Variants in TOX3 observed in about 807,000 individuals in gnomAD.
TOX3 encodes TOX high mobility group box family member 3, also known as CAG trinucleotide repeat-containing gene F9 protein.
Under a neutral mutation model 64.3 loss-of-function variants are expected in TOX3, and 22 were observed. That is an observed-to-expected ratio of 0.34 (90% CI 0.24 to 0.49). The LOEUF is 0.49. Ranked by LOEUF, TOX3 falls within the 20% of genes least tolerant of loss-of-function variation. The probability of loss-of-function intolerance (pLI) is 0.99; values close to 1 mark genes in which losing one functional copy is unlikely to be tolerated. For synonymous variants in TOX3, 291 were observed against 273.6 expected (o/e 1.06, Z -0.63); for missense variants, 661 against 714.4 (o/e 0.93, Z 0.85).
chr16:52,468,950 T>C (rs1960949693), intron 1 of TOX3, among the ~76,000 whole-genome samples: 2 of 152,186 alleles, frequency 1.3e-5, no homozygotes, highest in African/African-American at 4.8e-5. Context: ...AAGGATTTTA[T>C]AGCTTAGTTT....
Position 52,535,857 on chromosome 16 carries a change from TA to T in TOX3, c.87+10779del, listed in dbSNP as rs536914330. Among the ~76,000 whole-genome samples the T allele has an allele frequency of 7.3e-3, 1,109 of 152,132 alleles. 6 individuals carry two copies. Among genetic ancestry groups the T allele is most frequent in the Non-Finnish European group, 8.8e-3 (599 of 67,982 alleles). On this transcript the variant is annotated intron_variant, in intron 1 of 6. Transcript: ENST00000219746. ...CTGCCACCAACACATCAAATACTGATAAAAAAAATTAAAAATAAAATGTAAA... is the reference window on the plus strand; with the variant it reads ...CTGCCACCAACACATCAAATACTGATAAAAAAATTAAAAATAAAATGTAAA...
chr16:52,441,304 T>C (rs985977570), intron 6 of TOX3, among the ~76,000 whole-genome samples: 1 of 152,218 alleles, frequency 6.6e-6, no homozygotes, highest in African/African-American at 2.4e-5. Context: ...AGATACCAAA[T>C]TGAAGTTTTC....
At chr16:52,492,135 CA>C (rs751910919) in intron 1 of TOX3, among the ~76,000 whole-genome samples, 1 of 151,378 alleles carries the variant, frequency 6.6e-6, no homozygotes, top group Non-Finnish European at 1.5e-5. Context: ...TGAATTCTAA[CA>C]TCATAATTAC....
Position 52,474,792 on chromosome 16 carries a change from C to T in TOX3, c.88-6218G>A, listed in dbSNP as rs557400891. Among the ~76,000 whole-genome samples, 10 of 152,198 alleles carry T rather than the reference C, an allele frequency of 6.6e-5. No homozygotes were observed. In the South Asian group the frequency reaches 1.3e-3, roughly 19 times the overall value. On this transcript the variant is annotated intron_variant, in intron 1 of 6. Coordinates refer to ENST00000219746, the MANE Select transcript of TOX3 (RefSeq NM_001080430.4). Reference sequence around the variant, plus strand: ...AGTAAATCTAACTCAGACCATGTCACTCTTCTGCTCAAAACTCTCCAATGG... The same window carrying T: ...AGTAAATCTAACTCAGACCATGTCATTCTTCTGCTCAAAACTCTCCAATGG...
intron 1 of TOX3, among the ~76,000 whole-genome samples, chr16:52,516,482 CAAT>C (rs1962460379): frequency 6.6e-6 from 1 of 152,026 alleles, no homozygotes; most frequent in Non-Finnish European, 1.5e-5. Flanking sequence ...TCTAAGTAGC[CAAT>C]AATTGGAGGC....
intron 1 of TOX3, among the ~76,000 whole-genome samples, chr16:52,509,510 A>G (rs1046546257): frequency 4.6e-5 from 7 of 152,224 alleles, no homozygotes; most frequent in Admixed American, 3.3e-4. Flanking sequence ...TGAAATTTTA[A>G]CATTCAGACC....
chr16:52,503,374 C>T (rs1009057113), intron 1 of TOX3, among the ~76,000 whole-genome samples: 2 of 152,140 alleles, frequency 1.3e-5, no homozygotes, highest in Admixed American at 1.3e-4. Flanking sequence ...ACTGCAAGGA[C>T]CACACAAGTG....
At chr16:52,545,772 TG>T (rs1963162315) in intron 1 of TOX3, among the ~76,000 whole-genome samples, 1 of 151,910 alleles carries the variant, frequency 6.6e-6, no homozygotes, top group Admixed American at 6.6e-5. Flanking sequence ...GGACACCGGA[TG>T]GTGGGGGGGA....
intron 1 of TOX3, among the ~76,000 whole-genome samples, chr16:52,470,730 G>A (rs1457259505): frequency 6.6e-6 from 1 of 152,184 alleles, no homozygotes; most frequent in African/African-American, 2.4e-5. Context: ...GAGCAGAGCA[G>A]GCCACGCAGC....
At chr16:52,472,969 T>A (rs889789104) in intron 1 of TOX3, among the ~76,000 whole-genome samples, 7 of 152,194 alleles carry the variant, frequency 4.6e-5, no homozygotes, top group Non-Finnish European at 1.0e-4. Context: ...TCATTGTACT[T>A]GGAGGTAGAT....
chr16:52,518,546 A>T (rs1962515828), intron 1 of TOX3, among the ~76,000 whole-genome samples: 1 of 152,240 alleles, frequency 6.6e-6, no homozygotes, highest in Non-Finnish European at 1.5e-5. Flanking sequence ...GTATTTAATA[A>T]AACGTCTTCT....
intron 1 of TOX3, among the ~76,000 whole-genome samples, chr16:52,508,133 A>G (rs1436209150): frequency 6.6e-6 from 1 of 152,230 alleles, no homozygotes; most frequent in Non-Finnish European, 1.5e-5. Flanking sequence ...TCCTTTGTTT[A>G]ATTGGAGAGT....
At chr16:52,544,964 G>A (rs1019034263) in intron 1 of TOX3, among the ~76,000 whole-genome samples, 1 of 152,124 alleles carries the variant, frequency 6.6e-6, no homozygotes, top group Non-Finnish European at 1.5e-5. Flanking sequence ...CCAAAAATAA[G>A]AGCATGCCCA....
At chr16:52,544,809 G>C (rs1312284916) in intron 1 of TOX3, among the ~76,000 whole-genome samples, 1 of 152,174 alleles carries the variant, frequency 6.6e-6, no homozygotes, top group Admixed American at 6.5e-5. Flanking sequence ...GTCCCTTGAA[G>C]TACCCTTGGG....
chr16:52,521,436 A>T (rs1377141461), intron 1 of TOX3, among the ~76,000 whole-genome samples: 2 of 151,970 alleles, frequency 1.3e-5, no homozygotes, highest in Non-Finnish European at 2.9e-5. Context: ...CAAGGGTTGT[A>T]GTATTCAGCT....
At chr16:52,467,835 G>A (rs1272779828) in intron 2 of TOX3, among the ~76,000 whole-genome samples, 6 of 152,248 alleles carry the variant, frequency 3.9e-5, no homozygotes, top group Admixed American at 1.3e-4. Flanking sequence ...ATCTGCACCC[G>A]TAAACTGAAG....
chr16:52,512,108 C>A (rs1159249523), intron 1 of TOX3, among the ~76,000 whole-genome samples: 5 of 152,182 alleles, frequency 3.3e-5, no homozygotes, highest in Non-Finnish European at 5.9e-5. Context: ...ACTGTATTTG[C>A]AGGTCCATCT....
At chr16:52,486,416 A>G (rs940638607) in intron 1 of TOX3, among the ~76,000 whole-genome samples, 16 of 152,358 alleles carry the variant, frequency 1.1e-4, no homozygotes, top group Admixed American at 5.9e-4. Context: ...GTTCAATGAC[A>G]TCAAAGACAC....
upstream of TOX3, chr16:52,547,792 C>T (rs989561012): frequency 1.3e-5 from 2 of 152,188 alleles, no homozygotes; most frequent in African/African-American, 2.4e-5. Flanking sequence ...GGTGAAGCCT[C>T]GTGTCGGTTC....
Sources: allele counts gnomAD v4.1 joint callset (sites outside exome capture counted in the v4.1 genomes callset), GRCh38; gene constraint gnomAD v4.1.1; transcripts MANE v1.5; gene names NCBI Gene and HGNC (gene_info 2026-07-23, HGNC 2026-07-21).